Variants in TOM1 observed in about 807,000 individuals in gnomAD.
The protein encoded by TOM1 is target of Myb protein 1.
In TOM1, 38 loss-of-function variants were observed where a neutral mutation model predicts 61.3. The ratio of observed to expected loss-of-function variants is 0.62; its 90% CI spans 0.48 to 0.81. The LOEUF is 0.81. Ranked by LOEUF, TOM1 falls within the 40% of genes least tolerant of loss-of-function variation. The probability of loss-of-function intolerance (pLI) is 0.00; values close to 1 mark genes in which losing one functional copy is unlikely to be tolerated. For missense variants in TOM1, 591 were observed against 659.6 expected (o/e 0.90, Z 1.14); for synonymous variants, 270 against 268.8 (o/e 1.00, Z -0.04).
intron 1 of TOM1, among the ~76,000 whole-genome samples, chr22:35,315,477 A>G (rs191469704): frequency 9.2e-5 from 14 of 152,276 alleles, no homozygotes; most frequent in East Asian, 3.9e-4. Flanking sequence ...AGGTGGCTCT[A>G]TAAGTGTGGA....
chr22:35,303,298 A>G (rs1926016643), intron 1 of TOM1, among the ~76,000 whole-genome samples: 1 of 151,628 alleles, frequency 6.6e-6, no homozygotes, highest in Non-Finnish European at 1.5e-5. Context: ...CTCTCCCTTT[A>G]TCCTAGATCC....
chr22:35,346,096 G>T (rs1249437377), intron 13 of TOM1, among the ~76,000 whole-genome samples: 2 of 152,246 alleles, frequency 1.3e-5, no homozygotes, highest in Non-Finnish European at 2.9e-5. Context: ...AACAGCGCCA[G>T]GCTCTTACCT....
chr22:35,310,445 C>A (rs914305009), intron 1 of TOM1, among the ~76,000 whole-genome samples: 13 of 152,098 alleles, frequency 8.5e-5, no homozygotes, highest in Admixed American at 4.6e-4. Flanking sequence ...CCCAGCTACT[C>A]GGGAGGCCGA....
intron 1 of TOM1, among the ~76,000 whole-genome samples, chr22:35,307,605 T>C (rs1926437014): frequency 6.6e-6 from 1 of 152,142 alleles, no homozygotes; most frequent in African/African-American, 2.4e-5. Context: ...CACTGCAAAG[T>C]GCGGTGGAGA....
chr22:35,329,312 C>T (rs1297068075), intron 7 of TOM1, among the ~76,000 whole-genome samples: 3 of 152,090 alleles, frequency 2.0e-5, no homozygotes, highest in African/African-American at 7.2e-5. Flanking sequence ...AAGTCGGTGA[C>T]GTGATAACTA....
In TOM1 at chr22:35,341,253, C is replaced by A. The variant is rs531804636; in HGVS notation, c.1224+2465C>A. Among the ~76,000 whole-genome samples the A allele has an allele frequency of 3.3e-3, 497 of 152,324 alleles. 3 individuals are homozygous for A. Among genetic ancestry groups the A allele is most frequent in the African/African-American group, 0.011 (458 of 41,566 alleles). On this transcript the variant is annotated intron_variant, in intron 12 of 14. Coordinates refer to ENST00000449058, the MANE Select transcript of TOM1 (RefSeq NM_005488.3). ...GAGCTTAAGTGAAACCACAGGTGTACTGTCCTCGGTATGGTGCCTGGCACA... is the reference window on the plus strand; with the variant it reads ...GAGCTTAAGTGAAACCACAGGTGTAATGTCCTCGGTATGGTGCCTGGCACA...
chr22:35,345,665 C>T, intron 12 of TOM1, 60 bp from the exon 13 acceptor site: 1 of 1,565,750 alleles, frequency 6.4e-7, no homozygotes, highest in Non-Finnish European at 8.8e-7. Context: ...GGGTGCTGAG[C>T]TGGCACGTCT....
chr22:35,331,048 A>G (rs1426923230), intron 8 of TOM1, among the ~76,000 whole-genome samples: 1 of 151,814 alleles, frequency 6.6e-6, no homozygotes, highest in African/African-American at 2.4e-5. Context: ...TGCTGCCATC[A>G]ATAAATACAT....
chr22:35,299,542 C>G (rs887813167), upstream of TOM1: 1 of 263,858 alleles, frequency 3.8e-6, no homozygotes, highest in Non-Finnish European at 7.4e-6. Context: ...GGCTATGACC[C>G]TAAGAGTCTC....
rs746972793 is a variant in TOM1 at position 35,299,915 on chromosome 22, C to T, written c.-14C>T. 3 of 1,578,070 alleles carry T rather than the reference C, an allele frequency of 1.9e-6. No individual in the cohort carries two copies. The highest frequency in any genetic ancestry group is 3.6e-5 in the Admixed American group (2 of 55,468). ...AGCTGATTCCCGGGGTTGGTGGCAG[C>T]GGCGGTAGCAGCAATGGACTTTCTC... is the stretch of plus-strand genomic sequence containing the variant. On this transcript the variant is annotated 5_prime_UTR_variant, in exon 1 of 15. Transcript: ENST00000449058.
chr22:35,330,098 C>T (rs1928691567), intron 7 of TOM1, among the ~76,000 whole-genome samples: 1 of 151,648 alleles, frequency 6.6e-6, no homozygotes, highest in African/African-American at 2.4e-5. Flanking sequence ...GCTAATATGG[C>T]GAAACCCCGT....
intron 1 of TOM1, among the ~76,000 whole-genome samples, chr22:35,304,349 A>G (rs1441188561): frequency 6.6e-6 from 1 of 152,198 alleles, no homozygotes; most frequent in Non-Finnish European, 1.5e-5. Flanking sequence ...TCCCAAGGGC[A>G]GCACCCGTAG....
intron 12 of TOM1, 64 bp downstream of exon 12, chr22:35,338,852 C>G: frequency 7.0e-7 from 1 of 1,421,644 alleles, no homozygotes. Context: ...AATGCTCACC[C>G]ACTGGGTGCC....
upstream of TOM1, chr22:35,299,767 G>A: frequency 1.3e-6 from 1 of 765,208 alleles, no homozygotes; most frequent in Non-Finnish European, 2.1e-6. Flanking sequence ...CTCGGGGGCG[G>A]GACCCTGGCG....
chr22:35,334,569 C>A, intron 11 of TOM1, 121 bp downstream of exon 11: 1 of 1,210,862 alleles, frequency 8.3e-7, no homozygotes, highest in Non-Finnish European at 1.2e-6. Context: ...GTAAGCACGC[C>A]CTTAGTATCC....
rs377284505 is a variant in TOM1, at chr22:35,334,892, C to T, written c.1148+444C>T. On this transcript the variant is annotated intron_variant, in intron 11 of 14. Transcript: ENST00000449058. ...AAGCCCTCCAGGAGCAGGGAAGTTT[C>T]CTGATAAATCCTCAGGGACTTTCAA... Among the ~76,000 whole-genome samples, 9 of 147,676 alleles carry T rather than the reference C, an allele frequency of 6.1e-5. No individual in the cohort carries two copies. In the East Asian group the frequency reaches 1.6e-3, roughly 27 times the overall value.
upstream of TOM1, chr22:35,299,693 A>G (rs892581275): frequency 5.5e-5 from 31 of 567,836 alleles, no homozygotes; most frequent in South Asian, 6.1e-4. Flanking sequence ...CCGACCCCAG[A>G]CCCTACATCG....
intron 6 of TOM1, among the ~76,000 whole-genome samples, chr22:35,325,758 C>T (rs1012937084): frequency 5.3e-5 from 8 of 152,152 alleles, no homozygotes; most frequent in East Asian, 3.8e-4. Context: ...TGGATTAAGA[C>T]GCTAATTACT....
intron 1 of TOM1, among the ~76,000 whole-genome samples, chr22:35,308,573 C>T (rs1238062469): frequency 6.6e-6 from 1 of 152,116 alleles, no homozygotes; most frequent in Non-Finnish European, 1.5e-5. Flanking sequence ...TGAGCTACCA[C>T]AGCCAGCCTA....
Sources: gnomAD v4.1 joint callset for allele counts (sites outside exome capture counted in the v4.1 genomes callset) on GRCh38, gnomAD v4.1.1 for gene constraint, MANE v1.5 for transcripts, NCBI Gene and HGNC (gene_info 2026-07-23, HGNC 2026-07-21) for gene names.